Variants in C1orf87 observed in about 807,000 individuals in gnomAD.
The protein encoded by C1orf87 is chromosome 1 open reading frame 87, also known as uncharacterized protein C1orf87.
A neutral mutation model predicts 60.5 loss-of-function variants in C1orf87; 58 were observed. The ratio of observed to expected loss-of-function variants is 0.96; its 90% confidence interval spans 0.78 to 1.19. The LOEUF is 1.19. Among genes scored for constraint, C1orf87 ranks in the 50% most tolerant of loss-of-function variants. C1orf87 has a pLI of 0.00. For missense variants in C1orf87, 673 were observed against 638.6 expected (o/e 1.05, Z -0.58); for synonymous variants, 236 against 227.4 (o/e 1.04, Z -0.34).
At chr1:60,052,424 C>A (rs1355549386) in intron 3 of C1orf87, among the ~76,000 whole-genome samples, 3 of 152,168 alleles carry the variant, frequency 2.0e-5, no homozygotes, top group African/African-American at 7.2e-5. Context: ...AGCTCTTTTC[C>A]TGTGAGACCT....
intron 2 of C1orf87, among the ~76,000 whole-genome samples, chr1:60,057,307 G>A (rs1645464264): frequency 6.6e-6 from 1 of 152,166 alleles, no homozygotes; most frequent in Non-Finnish European, 1.5e-5. Flanking sequence ...AATGTAGGTG[G>A]ATGCTAGACT....
rs1400971537 is a variant in C1orf87, at chr1:60,039,994, T to G, written c.670A>C (p.Lys224Gln). The G allele has an allele frequency of 6.2e-7, 1 of 1,614,126 alleles. No homozygotes were observed. The highest frequency in any genetic ancestry group is 2.2e-5 in the East Asian group (1 of 44,880). ...GGTAACTGTAGAGGGACTTCATGCT[T>G]CAAAAAGAGGCGGCTCAGCTGAGAT... is the stretch of plus-strand genomic sequence containing the variant. ...LQSQLSRLFL[K>Q]HEVPLQLPTV... The change falls in exon 5 of 12, where the codon AAG (lysine) becomes CAG (glutamine). Residue 224 changes from lysine to glutamine, a missense_variant. Coordinates refer to ENST00000371201, the MANE Select transcript of C1orf87 (RefSeq NM_152377.3).
intron 8 of C1orf87, among the ~76,000 whole-genome samples, chr1:60,012,488 C>T (rs1484896572): frequency 6.6e-6 from 1 of 152,096 alleles, no homozygotes; most frequent in Non-Finnish European, 1.5e-5. Context: ...CAAAATATTT[C>T]TTTTCTCCCA....
chr1:60,023,999 C>T (rs570265486), intron 8 of C1orf87, among the ~76,000 whole-genome samples: 58 of 152,228 alleles, frequency 3.8e-4, no homozygotes, highest in African/African-American at 1.4e-3. Context: ...TCTTCCTTAT[C>T]TTTCATTATG....
chr1:60,006,843 C>A (rs1415002883), intron 9 of C1orf87, among the ~76,000 whole-genome samples: 2 of 151,864 alleles, frequency 1.3e-5, no homozygotes, highest in Admixed American at 1.3e-4. Flanking sequence ...TCTTTATTCT[C>A]TTTCTCCTAT....
chr1:60,010,162 T>C (rs919811506), intron 9 of C1orf87, among the ~76,000 whole-genome samples: 8 of 152,030 alleles, frequency 5.3e-5, no homozygotes, highest in Admixed American at 4.6e-4. Context: ...CACTAGAGAA[T>C]GTCTCATGAT....
chr1:59,992,802 C>T (rs1644934062), intron 11 of C1orf87, among the ~76,000 whole-genome samples: 1 of 152,200 alleles, frequency 6.6e-6, no homozygotes, highest in Non-Finnish European at 1.5e-5. Context: ...CAGTAGGCCA[C>T]AATAGGTGGG....
chr1:60,019,482 G>C (rs1009623138), intron 8 of C1orf87, among the ~76,000 whole-genome samples: 1 of 152,152 alleles, frequency 6.6e-6, no homozygotes, highest in African/African-American at 2.4e-5. Context: ...CAGGAGAGTG[G>C]GGCACTGCTA....
chr1:60,013,819 C>G (rs1645106182), intron 8 of C1orf87, among the ~76,000 whole-genome samples: 1 of 152,060 alleles, frequency 6.6e-6, no homozygotes, highest in Non-Finnish European at 1.5e-5. Flanking sequence ...CAGATGACAA[C>G]TTCCATCCAT....
At chr1:60,048,906 A>G (rs1293102958) in intron 3 of C1orf87, among the ~76,000 whole-genome samples, 1 of 152,018 alleles carries the variant, frequency 6.6e-6, no homozygotes, top group Non-Finnish European at 1.5e-5. Flanking sequence ...TCATATATAC[A>G]CAAATTCTAC....
chr1:59,991,593 G>A (rs937086807), intron 11 of C1orf87, among the ~76,000 whole-genome samples: 15 of 152,016 alleles, frequency 9.9e-5, no homozygotes, highest in Middle Eastern at 3.4e-3. Context: ...CTGTAGTTGC[G>A]GAATACAAAG....
intron 11 of C1orf87, among the ~76,000 whole-genome samples, chr1:59,992,883 T>C (rs1028003213): frequency 4.2e-4 from 64 of 152,228 alleles, no homozygotes; most frequent in African/African-American, 1.5e-3. Flanking sequence ...ATTGCCTATT[T>C]ATTGTCTGTC....
At chr1:60,004,824 C>T (rs1042090158) in intron 9 of C1orf87, among the ~76,000 whole-genome samples, 13 of 151,894 alleles carry the variant, frequency 8.6e-5, no homozygotes, top group Admixed American at 6.6e-5. Flanking sequence ...ACAGGGTTTC[C>T]AGTGGGTTCT....
chr1:60,018,191 A>G (rs1645136864), intron 8 of C1orf87, among the ~76,000 whole-genome samples: 1 of 152,222 alleles, frequency 6.6e-6, no homozygotes, highest in African/African-American at 2.4e-5. Context: ...TACATCTTTA[A>G]TCTCTTAAGG....
At chr1:60,064,573 G>T (rs1645522690) in intron 2 of C1orf87, among the ~76,000 whole-genome samples, 1 of 110,166 alleles carries the variant, frequency 9.1e-6, no homozygotes. Flanking sequence ...AAAACTAATA[G>T]GATATATATC....
chr1:60,010,724 C>T, intron 8 of C1orf87: 1 of 272,686 alleles, frequency 3.7e-6, no homozygotes, highest in Non-Finnish European at 6.8e-6. Context: ...CAGGGAACAG[C>T]AAGAAAATCT....
intron 3 of C1orf87, among the ~76,000 whole-genome samples, chr1:60,045,116 T>TG (rs777904356): frequency 6.6e-6 from 1 of 152,204 alleles, no homozygotes; most frequent in Non-Finnish European, 1.5e-5. Flanking sequence ...CATTATGCAA[T>TG]GGATAGCTGT....
chr1:60,064,100 T>C (rs1201495968), intron 2 of C1orf87, among the ~76,000 whole-genome samples: 1 of 151,688 alleles, frequency 6.6e-6, no homozygotes, highest in Non-Finnish European at 1.5e-5. Flanking sequence ...CTTTCTCCTG[T>C]GCTGGATGCT....
chr1:60,064,308 A>G (rs11578492), intron 2 of C1orf87, among the ~76,000 whole-genome samples: 3 of 115,010 alleles, frequency 2.6e-5, no homozygotes, highest in South Asian at 2.8e-4. Flanking sequence ...TTTTATATAT[A>G]ATATATAAAT....
Sources: gnomAD v4.1 joint callset for allele counts (sites outside exome capture counted in the v4.1 genomes callset) on GRCh38, gnomAD v4.1.1 for gene constraint, MANE v1.5 for transcripts, NCBI Gene and HGNC (gene_info 2026-07-23, HGNC 2026-07-21) for gene names.